The following ASIC2 variants were observed in gnomAD, a reference collection of about 807,000 sequenced individuals.
ASIC2 encodes acid-sensing ion channel 2.
A neutral mutation model predicts 57.3 loss-of-function variants in ASIC2; 25 were observed. That is an observed-to-expected ratio of 0.44 (90% CI 0.32 to 0.61). ASIC2 has a LOEUF of 0.61. ASIC2 is among the 20% of genes least tolerant of loss of function. The pLI, the probability that ASIC2 is intolerant of heterozygous loss-of-function variation, is 0.06. For synonymous variants in ASIC2, 319 were observed against 307.5 expected, an observed-to-expected ratio of 1.04 and a Z score of -0.39; for missense variants, 641 against 738.1, an observed-to-expected ratio of 0.87 and a Z score of 1.52.
At chr17:34,092,797 T>C (rs567194308) in intron 1 of ASIC2, among the ~76,000 whole-genome samples, 350 of 152,304 alleles carry the variant, frequency 2.3e-3, no homozygotes, top group Non-Finnish European at 3.6e-3. Flanking sequence ...TACATGACAA[T>C]ACTCTCCCCA....
intron 1 of ASIC2, among the ~76,000 whole-genome samples, chr17:33,627,582 T>A (rs1435374493): frequency 3.3e-5 from 5 of 152,148 alleles, no homozygotes; most frequent in Non-Finnish European, 1.5e-5. Flanking sequence ...TGTGCTGAAC[T>A]CTGGCTAGGT....
At chr17:33,587,908 G>A (rs957970347) in intron 1 of ASIC2, among the ~76,000 whole-genome samples, 1 of 152,094 alleles carries the variant, frequency 6.6e-6, no homozygotes, top group Non-Finnish European at 1.5e-5. Flanking sequence ...CCTTGACCAT[G>A]TAACATAACT....
intron 1 of ASIC2, among the ~76,000 whole-genome samples, chr17:33,738,511 C>T (rs542849833): frequency 5.3e-5 from 8 of 152,270 alleles, no homozygotes; most frequent in East Asian, 1.9e-4. Flanking sequence ...TGGGGGATTG[C>T]GTTTTACACC....
At chr17:33,174,418 CA>C (rs545016244) in intron 1 of ASIC2, among the ~76,000 whole-genome samples, 36,888 of 121,898 alleles carry the variant, frequency 0.3, 5,445 homozygotes, top group Non-Finnish European at 0.39. Flanking sequence ...AAGACTCCAT[CA>C]AAAAAAAAAA....
At chr17:33,773,538 C>G (rs527412484) in intron 1 of ASIC2, among the ~76,000 whole-genome samples, 46 of 152,116 alleles carry the variant, frequency 3.0e-4, no homozygotes, top group African/African-American at 1.1e-3. Context: ...TAATTCTAGT[C>G]ATTTTCTCTC....
At chr17:33,452,776 T>TGTGTGTGTGTGTGTGTGA (rs927088214) in intron 1 of ASIC2, among the ~76,000 whole-genome samples, 2 of 151,270 alleles carry the variant, frequency 1.3e-5, no homozygotes, top group Admixed American at 6.6e-5. Context: ...TGTGTGTGTG[T>TGTGTGTGTGTGTGTGTGA]GATAGCCTTT....
chr17:34,038,184 G>C, intron 1 of ASIC2: 1 of 1,612,520 alleles, frequency 6.2e-7, no homozygotes, highest in South Asian at 1.1e-5. Context: ...ATGATGGGAG[G>C]TTTTATTTCA....
chr17:33,497,183 T>G (rs1470843199), intron 1 of ASIC2, among the ~76,000 whole-genome samples: 1 of 152,210 alleles, frequency 6.6e-6, no homozygotes, highest in South Asian at 2.1e-4. Context: ...CCTTCTTCAA[T>G]GAATGAATGA....
At chr17:33,405,183 T>C (rs1294184086) in intron 1 of ASIC2, among the ~76,000 whole-genome samples, 1 of 151,986 alleles carries the variant, frequency 6.6e-6, no homozygotes. Context: ...ATCTCCAGAG[T>C]TGGAATGATG....
intron 1 of ASIC2, among the ~76,000 whole-genome samples, chr17:33,787,050 C>T (rs555081685): frequency 6.6e-6 from 1 of 152,292 alleles, no homozygotes; most frequent in Non-Finnish European, 1.5e-5. Flanking sequence ...CATTGCATAC[C>T]TGCTAATGGG....
chr17:33,489,369 T>C (rs917231839), intron 1 of ASIC2, among the ~76,000 whole-genome samples: 14 of 152,134 alleles, frequency 9.2e-5, no homozygotes, highest in African/African-American at 2.9e-4. Flanking sequence ...AAGGGGTATG[T>C]CCATAGATGC....
At chr17:33,128,646 G>C (rs1369222139) in intron 1 of ASIC2, among the ~76,000 whole-genome samples, 1 of 152,202 alleles carries the variant, frequency 6.6e-6, no homozygotes, top group Non-Finnish European at 1.5e-5. Flanking sequence ...GAGGCAAGGT[G>C]CCAGAATTTG....
At chr17:33,799,439 T>TTTCTTTCTTTCTTTCTTCC (rs1912050823) in intron 1 of ASIC2, among the ~76,000 whole-genome samples, 1 of 59,048 alleles carries the variant, frequency 1.7e-5, no homozygotes, top group African/African-American at 6.1e-5. Flanking sequence ...TCTTTCTTTC[T>TTTCTTTCTTTCTTTCTTCC]TTCTTTCTTT....
Position 33,344,790 on chromosome 17 carries a change from C to T in ASIC2, c.556-232723G>A, listed in dbSNP as rs186922869. ...TATTTATTTGCATCTGGGAGACAGGCCACTCTTTGGGGACAGAGACCATGT... is the reference window on the plus strand; with the variant it reads ...TATTTATTTGCATCTGGGAGACAGGTCACTCTTTGGGGACAGAGACCATGT... On this transcript the variant is annotated intron_variant, in intron 1 of 9. Transcript: ENST00000359872. 5.5e-3 allele frequency among the ~76,000 whole-genome samples: 840 copies of T among 152,230 alleles called. 2 individuals are homozygous for T. Among genetic ancestry groups the T allele is most frequent in the Non-Finnish European group, 7.6e-3 (519 of 68,006 alleles).
At chr17:33,329,339 A>G (rs1181982748) in intron 1 of ASIC2, among the ~76,000 whole-genome samples, 1 of 152,202 alleles carries the variant, frequency 6.6e-6, no homozygotes, top group African/African-American at 2.4e-5. Flanking sequence ...CATTAGTGTG[A>G]TTAGACTGTG....
intron 1 of ASIC2, among the ~76,000 whole-genome samples, chr17:33,254,699 A>G (rs1908998605): frequency 1.3e-5 from 2 of 152,288 alleles, no homozygotes; most frequent in African/African-American, 4.8e-5. Context: ...AACCTAACTT[A>G]AAATTTTTAA....
In ASIC2 at chr17:33,292,646, A is replaced by G. The variant is rs541551437; in HGVS notation, c.-531T>C. 5.1e-4 allele frequency: 507 copies of G among 985,676 alleles called. 1 individual carries two copies. The African/African-American group carries it at 8.5e-3, about 17-fold the overall frequency. 61.1% of individuals were successfully genotyped at this position (985,676 alleles called of 1,614,324 possible). A position where few individuals can be genotyped will look rare whatever the true frequency, so the allele number is the denominator to read the frequency against. On this transcript the variant is annotated 5_prime_UTR_variant, in exon 1 of 10. Coordinates refer to ENST00000225823, the MANE Select transcript of ASIC2 (RefSeq NM_183377.2). ...GCCCGTAGCCCAGCGGTGCTGGGAC[A>G]CGGGAGAGAAGGCGCCAAGGAACGA... is the stretch of plus-strand genomic sequence containing the variant.
chr17:33,474,474 C>T lies in ASIC2; in HGVS notation c.556-362407G>A, dbSNP rs149663270. Among the ~76,000 whole-genome samples, 755 of 152,316 alleles carry T rather than the reference C, an allele frequency of 5.0e-3. 17 individuals are homozygous for T. In the South Asian group the frequency reaches 0.06, roughly 12 times the overall value. ...ACTAGTGAGAAAGGAATGGGTGTAA[C>T]CAGCAGCAGCATGGCTGTCACCACC... On this transcript the variant is annotated intron_variant, in intron 1 of 9. Coordinates refer to the ASIC2 transcript ENST00000359872.
rs543161962 is a variant in ASIC2, at chr17:33,107,282, C to T, written c.859+4635G>A. 1.0e-3 allele frequency among the ~76,000 whole-genome samples: 152 copies of T among 152,274 alleles called. 1 individual carries two copies. The highest frequency in any genetic ancestry group is 2.6e-3 in the African/African-American group (106 of 41,568). On this transcript the variant is annotated intron_variant, in intron 2 of 9. Transcript: ENST00000225823. Reference sequence around the variant, plus strand: ...TATTCTGTGAGCTTTTCCATGAAAACGAAGGTTTCTGTGGTCAAAGGCATT... The same window carrying T: ...TATTCTGTGAGCTTTTCCATGAAAATGAAGGTTTCTGTGGTCAAAGGCATT...
Sources: gnomAD v4.1 joint callset for allele counts (sites outside exome capture counted in the v4.1 genomes callset) on GRCh38, gnomAD v4.1.1 for gene constraint, MANE v1.5 for transcripts, NCBI Gene and HGNC (gene_info 2026-07-23, HGNC 2026-07-21) for gene names.